The following NRG3 variants were observed in gnomAD, a reference collection of about 807,000 sequenced individuals.
NRG3 encodes the protein pro-neuregulin-3, membrane-bound isoform.
In NRG3, 31 loss-of-function variants were observed where a neutral mutation model predicts 66.9. That is an observed-to-expected ratio of 0.46 (90% CI 0.35 to 0.63). The LOEUF is 0.63. Ranked by LOEUF, NRG3 falls within the 20% of genes least tolerant of loss-of-function variation. The pLI is 0.00. For synonymous variants in NRG3, 393 were observed against 359.4 expected (o/e 1.09, Z -1.06); for missense variants, 910 against 878.9 (o/e 1.04, Z -0.45).
intron 2 of NRG3, among the ~76,000 whole-genome samples, chr10:82,623,213 C>T (rs114426156): frequency 0.014 from 2,133 of 152,228 alleles, 54 homozygotes; most frequent in African/African-American, 0.048. Flanking sequence ...TGGGACACTT[C>T]GTTTTAAACT....
At chr10:82,579,022 A>G (rs138024772) in intron 2 of NRG3, among the ~76,000 whole-genome samples, 1 of 151,962 alleles carries the variant, frequency 6.6e-6, no homozygotes, top group African/African-American at 2.4e-5. Flanking sequence ...GAGATTTGCA[A>G]TGCTTATTTC....
intron 3 of NRG3, among the ~76,000 whole-genome samples, chr10:82,769,611 A>G (rs550611961): frequency 3.4e-4 from 52 of 152,238 alleles, no homozygotes; most frequent in Non-Finnish European, 6.3e-4. Flanking sequence ...ACAAATAACT[A>G]TTCTGCACAG....
intron 1 of NRG3, among the ~76,000 whole-genome samples, chr10:82,022,933 A>G (rs1031464713): frequency 6.6e-6 from 1 of 150,848 alleles, no homozygotes; most frequent in Non-Finnish European, 1.5e-5. Context: ...TATAAAAATT[A>G]TATATATATT....
intron 2 of NRG3, among the ~76,000 whole-genome samples, chr10:82,605,192 C>A (rs889045578): frequency 7.2e-5 from 11 of 151,888 alleles, no homozygotes; most frequent in Non-Finnish European, 1.6e-4. Context: ...TGTAGATATT[C>A]TTTACCAGTT....
intron 1 of NRG3, among the ~76,000 whole-genome samples, chr10:82,123,089 A>G (rs2068200365): frequency 6.6e-6 from 1 of 151,962 alleles, no homozygotes; most frequent in African/African-American, 2.4e-5. Context: ...TGGCACCACA[A>G]TTTTTACCTT....
At chr10:82,454,885 T>C (rs2091200055) in intron 2 of NRG3, among the ~76,000 whole-genome samples, 1 of 152,226 alleles carries the variant, frequency 6.6e-6, no homozygotes, top group Admixed American at 6.5e-5. Flanking sequence ...AATATTAACC[T>C]GAGGAAAACA....
At chr10:81,944,064 C>G (rs1010247048) in intron 1 of NRG3, among the ~76,000 whole-genome samples, 6 of 152,326 alleles carry the variant, frequency 3.9e-5, no homozygotes, top group African/African-American at 1.4e-4. Context: ...CCCCGTTTAA[C>G]AGAGCCACAG....
chr10:82,619,787 G>A (rs1025033509), intron 2 of NRG3, among the ~76,000 whole-genome samples: 1 of 152,162 alleles, frequency 6.6e-6, no homozygotes. Context: ...GAAGGATCGT[G>A]TGAAGACACA....
chr10:82,831,907 C>T (rs551273281), intron 3 of NRG3, among the ~76,000 whole-genome samples: 2 of 152,108 alleles, frequency 1.3e-5, no homozygotes, highest in African/African-American at 2.4e-5. Context: ...CACCCACCCC[C>T]CCAACTACCT....
At chr10:82,293,357 A>G (rs1427543911) in intron 1 of NRG3, among the ~76,000 whole-genome samples, 7 of 152,192 alleles carry the variant, frequency 4.6e-5, no homozygotes, top group African/African-American at 2.4e-5. Context: ...GAAGACCACA[A>G]TTCTAAAAAC....
In NRG3 at chr10:82,132,525, G is replaced by GATATATATATGATATATATATCATAT. The variant is rs1554831270; in HGVS notation, c.824-226193_824-226192insCATATATATATATATGATATATATAT. Among the ~76,000 whole-genome samples, 130 of 54,722 alleles carry GATATATATATGATATATATATCATAT rather than the reference G, an allele frequency of 2.4e-3. 11 individuals carry two copies. Among genetic ancestry groups the GATATATATATGATATATATATCATAT allele is most frequent in the South Asian group, 0.013 (21 of 1,618 alleles). 35.9% of individuals were successfully genotyped at this position (54,722 alleles called of 152,430 possible). A position where few individuals can be genotyped will look rare whatever the true frequency, so the allele number is the denominator to read the frequency against. ...TATATCATATATATATGATATATAT[G>GATATATATATGATATATATATCATAT]ATATATATATGATATATATATATCT... On this transcript the variant is annotated intron_variant, in intron 1 of 8. Coordinates refer to ENST00000372141, the MANE Select transcript of NRG3 (RefSeq NM_001010848.4).
intron 1 of NRG3, among the ~76,000 whole-genome samples, chr10:81,945,392 C>T (rs1217279860): frequency 6.6e-6 from 1 of 152,028 alleles, no homozygotes; most frequent in Non-Finnish European, 1.5e-5. Context: ...GCTTGGTTCA[C>T]TGAATGAATG....
chr10:82,122,336 G>C (rs952182105), intron 1 of NRG3, among the ~76,000 whole-genome samples: 2 of 152,036 alleles, frequency 1.3e-5, no homozygotes, highest in African/African-American at 2.4e-5. Context: ...TTGGCATTTG[G>C]TTTGCTGCTG....
intron 3 of NRG3, among the ~76,000 whole-genome samples, chr10:82,830,069 A>G (rs1049864277): frequency 3.9e-5 from 6 of 152,198 alleles, no homozygotes; most frequent in Admixed American, 6.5e-5. Flanking sequence ...GCCGACATTA[A>G]TGTTAACAGT....
intron 4 of NRG3, among the ~76,000 whole-genome samples, chr10:82,872,553 A>G (rs1841432421): frequency 6.6e-6 from 1 of 152,158 alleles, no homozygotes; most frequent in African/African-American, 2.4e-5. Flanking sequence ...AGAGTTCTAT[A>G]TTTAATTGAC....
At chr10:82,580,305 T>C (rs1430802699) in intron 2 of NRG3, among the ~76,000 whole-genome samples, 1 of 151,958 alleles carries the variant, frequency 6.6e-6, no homozygotes, top group Non-Finnish European at 1.5e-5. Flanking sequence ...TACAGAAAAG[T>C]TGAGCCCAAA....
chr10:82,477,082 A>C (rs751136284), intron 2 of NRG3, among the ~76,000 whole-genome samples: 1 of 152,148 alleles, frequency 6.6e-6, no homozygotes, highest in Admixed American at 6.5e-5. Context: ...GTGCTGCAGA[A>C]GCTGATGTTC....
At chr10:82,193,993 G>T (rs2074312907) in intron 1 of NRG3, among the ~76,000 whole-genome samples, 1 of 152,140 alleles carries the variant, frequency 6.6e-6, no homozygotes, top group South Asian at 2.1e-4. Context: ...GGAAGAATTG[G>T]CAAAGAAAAT....
intron 2 of NRG3, among the ~76,000 whole-genome samples, chr10:82,425,898 TGTG>T (rs1564907106): frequency 1.3e-5 from 2 of 152,180 alleles, no homozygotes; most frequent in Admixed American, 6.5e-5. Context: ...GTCCTATTGA[TGTG>T]GTGATAAGCT....
Sources: allele counts gnomAD v4.1 joint callset (sites outside exome capture counted in the v4.1 genomes callset), GRCh38; gene constraint gnomAD v4.1.1; transcripts MANE v1.5; gene names NCBI Gene and HGNC (gene_info 2026-07-23, HGNC 2026-07-21).